Variants in MAP4K4 observed in about 807,000 individuals in gnomAD.
MAP4K4 encodes the protein mitogen-activated protein kinase kinase kinase kinase 4, also known as HPK/GCK-like kinase HGK.
In MAP4K4, 38 loss-of-function variants were observed where a neutral mutation model predicts 189.6. The ratio of observed to expected loss-of-function variants is 0.20; its 90% CI spans 0.15 to 0.26. The LOEUF is 0.26. Ranked by LOEUF, MAP4K4 falls within the 10% of genes least tolerant of loss-of-function variation. The pLI, the probability that MAP4K4 is intolerant of heterozygous loss-of-function variation, is 1.00. For missense variants in MAP4K4, 1,054 were observed against 1,726.9 expected (o/e 0.61, Z 6.91); for synonymous variants, 610 against 624.3 (o/e 0.98, Z 0.34).
chr2:101,825,302 T>A lies in MAP4K4; in HGVS notation c.307-17T>A. 6.5e-7 allele frequency: 1 copy of A among 1,535,198 alleles called. No homozygotes were observed. Among genetic ancestry groups the A allele is most frequent in the Non-Finnish European group, 9.0e-7 (1 of 1,115,924 alleles). The stretch of plus-strand genomic sequence containing the variant: ...TCCAAGATATGTTGCTCACCTTGTG[T>A]CTTGTCTGCCCTATAGCTTGTTATG... On this transcript the variant is annotated splice_polypyrimidine_tract_variant and intron_variant, in intron 4 of 32. Transcript: ENST00000324219.
rs370313747 is a variant in MAP4K4 at position 101,790,794 on chromosome 2, A to C, written c.180+18A>C. 50 of 1,586,892 alleles carry C rather than the reference A, an allele frequency of 3.2e-5. No individual in the cohort carries two copies. In the African/African-American group the frequency reaches 6.2e-4, roughly 20 times the overall value. Reference sequence around the variant, plus strand: ...TCACTGAGGTAAGATTGAGTCACACACATTTTTAAATAATGTTAGATGGAA... The same window carrying C: ...TCACTGAGGTAAGATTGAGTCACACCCATTTTTAAATAATGTTAGATGGAA... On this transcript the variant is annotated intron_variant, in intron 3 of 32. Transcript: ENST00000324219.
intron 2 of MAP4K4, among the ~76,000 whole-genome samples, chr2:101,756,069 T>A (rs949786678): frequency 2.7e-5 from 4 of 150,796 alleles, no homozygotes; most frequent in African/African-American, 9.8e-5. Context: ...GCCTCCTGAG[T>A]AGATGGGACT....
At chr2:101,840,127 G>A in intron 10 of MAP4K4, 133 bp downstream of exon 10, 1 of 835,998 alleles carries the variant, frequency 1.2e-6, no homozygotes, top group Non-Finnish European at 1.8e-6. Flanking sequence ...TCTGCTTGCG[G>A]TTCAGTGCTT....
intron 3 of MAP4K4, among the ~76,000 whole-genome samples, chr2:101,809,173 C>T (rs1450732445): frequency 1.3e-5 from 2 of 152,180 alleles, no homozygotes; most frequent in African/African-American, 4.8e-5. Context: ...CTTCATGGTA[C>T]ACCTCTACAA....
chr2:101,781,444 T>G (rs2087397385), intron 2 of MAP4K4, among the ~76,000 whole-genome samples: 1 of 152,104 alleles, frequency 6.6e-6, no homozygotes, highest in Non-Finnish European at 1.5e-5. Context: ...GGCTCATGAC[T>G]CTGGAGGCTG....
intron 27 of MAP4K4, among the ~76,000 whole-genome samples, chr2:101,878,401 G>A (rs544722337): frequency 4.6e-5 from 7 of 152,312 alleles, no homozygotes; most frequent in African/African-American, 1.7e-4. Flanking sequence ...CTTTCCTGAA[G>A]TTAGGGTGTA....
chr2:101,856,487 TA>T (rs201307078), intron 13 of MAP4K4, among the ~76,000 whole-genome samples: 2,873 of 149,994 alleles, frequency 0.019, 63 homozygotes, highest in African/African-American at 0.055. Flanking sequence ...AATTAACTTT[TA>T]AAAAAAAAAT....
At chr2:101,879,276 T>TG (rs1350537128) in intron 27 of MAP4K4, among the ~76,000 whole-genome samples, 1 of 149,388 alleles carries the variant, frequency 6.7e-6, no homozygotes, top group African/African-American at 2.4e-5. Context: ...TTTTCTGTTT[T>TG]TTTTTTTTTT....
At chr2:101,774,068 G>A (rs1325628299) in intron 2 of MAP4K4, among the ~76,000 whole-genome samples, 3 of 152,182 alleles carry the variant, frequency 2.0e-5, no homozygotes, top group Non-Finnish European at 4.4e-5. Flanking sequence ...TTTCTTGTGT[G>A]TATATACCTA....
At chr2:101,770,012 G>A (rs1355338921) in intron 2 of MAP4K4, among the ~76,000 whole-genome samples, 1 of 152,086 alleles carries the variant, frequency 6.6e-6, no homozygotes, top group Non-Finnish European at 1.5e-5. Flanking sequence ...AAACATTCTG[G>A]CTTTTACTAA....
chr2:101,718,262 A>G (rs573597364), intron 2 of MAP4K4, among the ~76,000 whole-genome samples: 7 of 152,082 alleles, frequency 4.6e-5, no homozygotes, highest in African/African-American at 1.7e-4. Context: ...GTCTCAAAAA[A>G]AAAAAAAAAA....
At chr2:101,831,537 G>T (rs1306013064) in intron 6 of MAP4K4, among the ~76,000 whole-genome samples, 184 bp from the exon 7 acceptor site, 1 of 151,998 alleles carries the variant, frequency 6.6e-6, no homozygotes, top group African/African-American at 2.4e-5. Context: ...TCACAGTCTC[G>T]GTGGCTTTAC....
At chr2:101,712,473 C>T (rs1283520905) in intron 2 of MAP4K4, among the ~76,000 whole-genome samples, 6 of 151,788 alleles carry the variant, frequency 4.0e-5, no homozygotes, top group Non-Finnish European at 7.4e-5. Flanking sequence ...GGATTATAGG[C>T]GTGAGCCACT....
chr2:101,723,909 G>GGCCT (rs1033555404), intron 2 of MAP4K4, among the ~76,000 whole-genome samples: 4 of 152,138 alleles, frequency 2.6e-5, no homozygotes, highest in Admixed American at 6.6e-5. Context: ...CCTAGGGACA[G>GGCCT]GGGCTCCTGG....
At chr2:101,719,823 C>T (rs1574180756) in intron 2 of MAP4K4, among the ~76,000 whole-genome samples, 2 of 151,792 alleles carry the variant, frequency 1.3e-5, no homozygotes, top group African/African-American at 2.4e-5. Flanking sequence ...ACCAGTCTGG[C>T]CAATATGGTG....
intron 3 of MAP4K4, among the ~76,000 whole-genome samples, chr2:101,813,021 C>T (rs377494660): frequency 2.6e-5 from 4 of 152,088 alleles, no homozygotes; most frequent in Admixed American, 6.5e-5. Flanking sequence ...CCCAGCTACT[C>T]GGGAGGCTGA....
intron 2 of MAP4K4, among the ~76,000 whole-genome samples, chr2:101,768,028 G>T (rs573774202): frequency 6.6e-6 from 1 of 152,248 alleles, no homozygotes; most frequent in South Asian, 2.1e-4. Context: ...TTGAAACACA[G>T]ATTTTCTTTA....
intron 2 of MAP4K4, among the ~76,000 whole-genome samples, chr2:101,772,031 C>T (rs2150364372): frequency 6.6e-6 from 1 of 152,330 alleles, no homozygotes; most frequent in South Asian, 2.1e-4. Context: ...AAGGCCAGGC[C>T]TCTAGTAAGC....
At chr2:101,745,134 A>G (rs1297994307) in intron 2 of MAP4K4, among the ~76,000 whole-genome samples, 2 of 152,056 alleles carry the variant, frequency 1.3e-5, no homozygotes, top group African/African-American at 4.8e-5. Context: ...TTTGACAAGT[A>G]TTTGATGGTG....
Sources: gnomAD v4.1 joint callset for allele counts (sites outside exome capture counted in the v4.1 genomes callset) on GRCh38, gnomAD v4.1.1 for gene constraint, MANE v1.5 for transcripts, NCBI Gene and HGNC (gene_info 2026-07-23, HGNC 2026-07-21) for gene names.